Variants in NALCN observed in about 807,000 individuals in gnomAD.
NALCN encodes the protein sodium leak channel, non-selective.
A neutral mutation model predicts 225.3 loss-of-function variants in NALCN; 111 were observed. The observed-to-expected ratio is 0.49, with a 90% CI of 0.42 to 0.58. The LOEUF (loss-of-function observed/expected upper bound fraction) is 0.58. Ranked by LOEUF, NALCN falls within the 20% of genes least tolerant of loss-of-function variation. The pLI, the probability that NALCN is intolerant of heterozygous loss-of-function variation, is 0.00. For synonymous variants in NALCN, 764 were observed against 769.0 expected, an observed-to-expected ratio of 0.99 and a Z score of 0.11; for missense variants, 1,378 against 2,202.4, an observed-to-expected ratio of 0.63 and a Z score of 7.49.
At chr13:101,403,661 G>C (rs1230523538) in intron 1 of NALCN, among the ~76,000 whole-genome samples, 1 of 152,128 alleles carries the variant, frequency 6.6e-6, no homozygotes, top group East Asian at 1.9e-4. Flanking sequence ...TAATCATTAG[G>C]TGTTATTAAG....
chr13:101,320,205 G>A lies in NALCN; in HGVS notation c.799+25061C>T, dbSNP rs115704006. On this transcript the variant is annotated intron_variant, in intron 7 of 43. Transcript: ENST00000251127. Reference sequence around the variant, plus strand: ...AACAAAGCAAGTCTTACACGTATGCGACAACTTTTCAGGTATAAAGGATCT... The same window carrying A: ...AACAAAGCAAGTCTTACACGTATGCAACAACTTTTCAGGTATAAAGGATCT... 5.8e-3 allele frequency among the ~76,000 whole-genome samples: 876 copies of A among 152,236 alleles called. 6 individuals carry two copies. Among genetic ancestry groups the A allele is most frequent in the African/African-American group, 0.02 (833 of 41,536 alleles).
At chr13:101,347,737 C>G (rs1486066699) in intron 6 of NALCN, among the ~76,000 whole-genome samples, 1 of 152,136 alleles carries the variant, frequency 6.6e-6, no homozygotes, top group Non-Finnish European at 1.5e-5. Context: ...GCTCAGCTTC[C>G]TCATCTGTAA....
chr13:101,217,562 T>C (rs61974031), intron 13 of NALCN, among the ~76,000 whole-genome samples: 1,567 of 152,182 alleles, frequency 0.01, 19 homozygotes, highest in Middle Eastern at 0.041. Flanking sequence ...ACTGATAGAG[T>C]CCTAGCTGTC....
intron 18 of NALCN, among the ~76,000 whole-genome samples, chr13:101,114,051 G>A (rs1055754867): frequency 1.3e-5 from 2 of 152,190 alleles, no homozygotes; most frequent in African/African-American, 4.8e-5. Context: ...GCCTCTCATG[G>A]TTCAAAGAAG....
intron 15 of NALCN, 100 bp downstream of exon 15, chr13:101,176,200 T>C (rs2038951024): frequency 1.2e-6 from 1 of 800,656 alleles, no homozygotes; most frequent in Non-Finnish European, 1.8e-6. Context: ...TTACATTTTA[T>C]TTTTACTTTG....
At chr13:101,109,755 C>T (rs550858994) in intron 20 of NALCN, among the ~76,000 whole-genome samples, 1 of 152,130 alleles carries the variant, frequency 6.6e-6, no homozygotes, top group Non-Finnish European at 1.5e-5. Flanking sequence ...TAACGCTTGG[C>T]TTCTCTGCAT....
At chr13:101,359,522 C>T (rs2046162705) in intron 6 of NALCN, among the ~76,000 whole-genome samples, 1 of 152,218 alleles carries the variant, frequency 6.6e-6, no homozygotes, top group African/African-American at 2.4e-5. Context: ...TGTCCTAGTG[C>T]AGTTAATGTT....
At chr13:101,192,840 A>G (rs1020049374) in intron 13 of NALCN, among the ~76,000 whole-genome samples, 9 of 152,200 alleles carry the variant, frequency 5.9e-5, no homozygotes, top group African/African-American at 1.9e-4. Flanking sequence ...TCCTATACAC[A>G]TTAGTAGTCA....
At chr13:101,211,121 A>G (rs2040506821) in intron 13 of NALCN, among the ~76,000 whole-genome samples, 1 of 152,184 alleles carries the variant, frequency 6.6e-6, no homozygotes, top group Admixed American at 6.5e-5. Flanking sequence ...ATCACTGAAA[A>G]CATACTTGAG....
intron 10 of NALCN, among the ~76,000 whole-genome samples, chr13:101,273,793 G>A (rs2042879112): frequency 1.3e-5 from 2 of 150,732 alleles, no homozygotes; most frequent in African/African-American, 4.9e-5. Flanking sequence ...GCTGGGGCAG[G>A]AGAATGGCGT....
At chr13:101,060,412 G>C (rs888972807) in intron 41 of NALCN, among the ~76,000 whole-genome samples, 12 of 148,100 alleles carry the variant, frequency 8.1e-5, no homozygotes, top group African/African-American at 3.0e-4. Flanking sequence ...CTGAGAAGCT[G>C]AGACTAAAAG....
intron 7 of NALCN, among the ~76,000 whole-genome samples, chr13:101,310,876 T>A (rs1165314493): frequency 6.6e-6 from 1 of 152,004 alleles, no homozygotes; most frequent in Non-Finnish European, 1.5e-5. Flanking sequence ...AATCAGAAAA[T>A]AGGATATTCA....
intron 15 of NALCN, among the ~76,000 whole-genome samples, chr13:101,152,759 C>G (rs2037713992): frequency 6.6e-6 from 1 of 152,018 alleles, no homozygotes; most frequent in African/African-American, 2.4e-5. Flanking sequence ...TCCCAAACAT[C>G]TCTATTTTAT....
chr13:101,397,713 C>A (rs146655344), intron 2 of NALCN, among the ~76,000 whole-genome samples: 1 of 151,332 alleles, frequency 6.6e-6, no homozygotes, highest in African/African-American at 2.4e-5. Context: ...AATATACACA[C>A]GACCTACAAT....
intron 3 of NALCN, among the ~76,000 whole-genome samples, chr13:101,381,874 C>A (rs61973727): frequency 0.21 from 31,304 of 151,772 alleles, 3,828 homozygotes; most frequent in Non-Finnish European, 0.28. Flanking sequence ...AGAAAAGTAT[C>A]ACTTCATCTT....
intron 11 of NALCN, among the ~76,000 whole-genome samples, chr13:101,254,153 T>A (rs2042143427): frequency 6.6e-6 from 1 of 151,182 alleles, no homozygotes; most frequent in Admixed American, 6.6e-5. Flanking sequence ...GAGGTCAAGA[T>A]GGATGGATCG....
In NALCN at chr13:101,345,676, T is replaced by A. The variant is rs182798592; in HGVS notation, c.645-256A>T. The stretch of plus-strand genomic sequence containing the variant: ...CAAGACCTTGAGAGACCTTTGCTCT[T>A]TCTATCTATCTATCTATCTATCTAT... On this transcript the variant is annotated intron_variant, in intron 6 of 43. Transcript: ENST00000251127. Among the ~76,000 whole-genome samples the A allele has an allele frequency of 1.3e-4, 16 of 127,928 alleles. No individual in the cohort carries two copies. In the East Asian group the frequency reaches 3.1e-3, roughly 25 times the overall value. The allele number at this position is 127,928 out of a possible 152,430, so 83.9% of individuals were successfully genotyped here.
chr13:101,320,614 T>C (rs2139189717), intron 7 of NALCN, among the ~76,000 whole-genome samples: 1 of 152,190 alleles, frequency 6.6e-6, no homozygotes, highest in East Asian at 1.9e-4. Flanking sequence ...CATTAGACAG[T>C]TTACTGCCTT....
At chr13:101,297,895 ATCCTC>A (rs1039309218) in intron 7 of NALCN, among the ~76,000 whole-genome samples, 1 of 152,172 alleles carries the variant, frequency 6.6e-6, no homozygotes, top group African/African-American at 2.4e-5. Context: ...ACTCTTTCTG[ATCCTC>A]CAGCTGACTC....
Sources: gnomAD v4.1 joint callset for allele counts (sites outside exome capture counted in the v4.1 genomes callset) on GRCh38, gnomAD v4.1.1 for gene constraint, MANE v1.5 for transcripts, NCBI Gene and HGNC (gene_info 2026-07-23, HGNC 2026-07-21) for gene names.